The following HCN1 variants were observed in gnomAD, a reference collection of about 807,000 sequenced individuals.
The protein encoded by HCN1 is potassium/sodium hyperpolarization-activated cyclic nucleotide-gated channel 1.
A neutral mutation model predicts 78.9 loss-of-function variants in HCN1; 13 were observed. The ratio of observed to expected loss-of-function variants is 0.16; its 90% CI spans 0.11 to 0.26. The LOEUF (loss-of-function observed/expected upper bound fraction) is 0.26, where lower values mean the gene tolerates loss of function less well. HCN1 is among the 10% of genes least tolerant of loss of function. HCN1 has a pLI of 1.00. For missense variants in HCN1, 810 were observed against 1,154.3 expected (o/e 0.70, Z 4.32); for synonymous variants, 552 against 455.5 (o/e 1.21, Z -2.70).
chr5:45,605,007 G>T (rs1744697635), intron 2 of HCN1, among the ~76,000 whole-genome samples: 1 of 151,874 alleles, frequency 6.6e-6, no homozygotes, highest in Non-Finnish European at 1.5e-5. Context: ...TATATTTTCA[G>T]GTATATTACC....
At chr5:45,450,687 T>A (rs1740898841) in intron 3 of HCN1, among the ~76,000 whole-genome samples, 1 of 152,212 alleles carries the variant, frequency 6.6e-6, no homozygotes, top group Non-Finnish European at 1.5e-5. Context: ...GGAATTATTG[T>A]AATAGTAGTT....
In HCN1 at chr5:45,262,092, A is replaced by T. The variant is rs761336904; in HGVS notation, c.2502T>A (p.Thr834=). The T allele has an allele frequency of 1.4e-5, 23 of 1,613,016 alleles. No homozygotes were observed. In the South Asian group the frequency reaches 2.3e-4, roughly 16 times the overall value. ...GGAAGAGGGTGACGCGCTGCGGGAC[A>T]GTGCTCCTGCCCCCTGCCTGAAGGC... ...GTGLQAGGRS[T]VPQRVTLFRQ... The change falls in exon 8 of 8, where the codon ACT becomes ACA. Residue 834 remains threonine, a synonymous_variant. Coordinates refer to ENST00000303230, the MANE Select transcript of HCN1 (RefSeq NM_021072.4).
intron 1 of HCN1, among the ~76,000 whole-genome samples, chr5:45,678,691 G>A (rs1289435180): frequency 6.6e-6 from 1 of 151,898 alleles, no homozygotes; most frequent in East Asian, 1.9e-4. Context: ...GAAATTAAAA[G>A]TATTTCTAGG....
chr5:45,568,747 C>T (rs1743766907), intron 2 of HCN1, among the ~76,000 whole-genome samples: 1 of 151,950 alleles, frequency 6.6e-6, no homozygotes, highest in Admixed American at 6.6e-5. Context: ...TTTACTTATT[C>T]AAACCACTAG....
Position 45,267,168 on chromosome 5 carries a change from A to C in HCN1, c.1704T>G (p.Asn568Lys), listed in dbSNP as rs1173161974. ...YCRLYSLSVD[N>K]FNEVLEEYPM... The stretch of plus-strand genomic sequence containing the variant: ...GATATTCCTCCAGGACCTCGTTGAA[A>C]TTGTCCACGGAAAGTGAGTAAAGAC... Residue 568 changes from asparagine to lysine, a missense_variant, in exon 7 of 8, where the codon AAT (asparagine) becomes AAG (lysine). Coordinates refer to ENST00000303230, the MANE Select transcript of HCN1 (RefSeq NM_021072.4). The C allele has an allele frequency of 6.2e-7, 1 of 1,614,012 alleles. No individual in the cohort carries two copies. Among genetic ancestry groups the C allele is most frequent in the South Asian group, 1.1e-5 (1 of 91,076 alleles).
chr5:45,315,559 A>G (rs1745968270), intron 5 of HCN1, among the ~76,000 whole-genome samples: 1 of 152,194 alleles, frequency 6.6e-6, no homozygotes, highest in Non-Finnish European at 1.5e-5. Context: ...AGAAATAACT[A>G]AGATCAGAGC....
At chr5:45,501,596 A>G (rs1281869302) in intron 2 of HCN1, among the ~76,000 whole-genome samples, 1 of 151,818 alleles carries the variant, frequency 6.6e-6, no homozygotes, top group African/African-American at 2.4e-5. Context: ...ACCCGCCACC[A>G]CGCCCGGTTA....
intron 2 of HCN1, among the ~76,000 whole-genome samples, chr5:45,519,092 A>G (rs1231987712): frequency 1.3e-5 from 2 of 152,026 alleles, no homozygotes; most frequent in East Asian, 1.9e-4. Context: ...GCTAGCATAA[A>G]TTATGGCCAT....
At chr5:45,533,799 C>T (rs1561191802) in intron 2 of HCN1, among the ~76,000 whole-genome samples, 1 of 152,062 alleles carries the variant, frequency 6.6e-6, no homozygotes, top group Non-Finnish European at 1.5e-5. Flanking sequence ...CAGGAAAGGG[C>T]TTTTTATGTG....
At chr5:45,342,295 T>C (rs1437596153) in intron 5 of HCN1, among the ~76,000 whole-genome samples, 2 of 151,536 alleles carry the variant, frequency 1.3e-5, no homozygotes, top group Non-Finnish European at 2.9e-5. Context: ...GTGCAGTGGA[T>C]CTCAACTCAC....
At chr5:45,517,531 A>AC (rs1554030347) in intron 2 of HCN1, among the ~76,000 whole-genome samples, 3 of 150,428 alleles carry the variant, frequency 2.0e-5, no homozygotes, top group Non-Finnish European at 4.4e-5. Context: ...AAAAAAAAAA[A>AC]AAAAAAAAAA....
intron 2 of HCN1, among the ~76,000 whole-genome samples, chr5:45,571,856 G>A (rs1743843705): frequency 6.6e-6 from 1 of 152,190 alleles, no homozygotes; most frequent in Admixed American, 6.5e-5. Context: ...AGAGGTTGCA[G>A]TGAGCTGAGA....
At chr5:45,271,065 G>T (rs958628646) in intron 6 of HCN1, among the ~76,000 whole-genome samples, 1 of 152,036 alleles carries the variant, frequency 6.6e-6, no homozygotes, top group African/African-American at 2.4e-5. Context: ...CTTCAAGGAG[G>T]ATGCTTTTAA....
chr5:45,649,428 A>T (rs1745634595), intron 1 of HCN1, among the ~76,000 whole-genome samples: 1 of 152,134 alleles, frequency 6.6e-6, no homozygotes, highest in South Asian at 2.1e-4. Context: ...TCTCATTATC[A>T]ACCAGAGCCC....
chr5:45,271,607 C>T lies in HCN1; in HGVS notation c.1619-4354G>A, dbSNP rs1344743089. Among the ~76,000 whole-genome samples the T allele has an allele frequency of 2.0e-5, 3 of 152,216 alleles. No individual in the cohort carries two copies. In the South Asian group the frequency reaches 6.2e-4, roughly 32 times the overall value. ...TTATTGTCCTTAACTCTGTAACTAA[C>T]TTAGACTTCATTCAACATTTTATCT... On this transcript the variant is annotated intron_variant, in intron 6 of 7. Coordinates refer to ENST00000303230, the MANE Select transcript of HCN1 (RefSeq NM_021072.4).
intron 1 of HCN1, among the ~76,000 whole-genome samples, chr5:45,648,632 A>G (rs920816020): frequency 1.3e-5 from 2 of 152,078 alleles, no homozygotes; most frequent in African/African-American, 4.8e-5. Flanking sequence ...TGACCTCATG[A>G]AAATCTCTTA....
At chr5:45,638,009 A>G (rs941195259) in intron 2 of HCN1, among the ~76,000 whole-genome samples, 1 of 152,184 alleles carries the variant, frequency 6.6e-6, no homozygotes. Flanking sequence ...TAGAAATCCA[A>G]ATGAGACACA....
At chr5:45,570,915 A>T (rs1527833) in intron 2 of HCN1, among the ~76,000 whole-genome samples, 106,393 of 151,986 alleles carry the variant, frequency 0.7, 37,508 homozygotes, top group Middle Eastern at 0.82. Flanking sequence ...ATATTTTTCT[A>T]TTCTATCATG....
intron 4 of HCN1, among the ~76,000 whole-genome samples, chr5:45,390,902 A>G (rs1248044110): frequency 6.6e-6 from 1 of 152,128 alleles, no homozygotes; most frequent in Non-Finnish European, 1.5e-5. Flanking sequence ...AGCAACTCCA[A>G]TGGCTACATT....
Sources: allele counts gnomAD v4.1 joint callset (sites outside exome capture counted in the v4.1 genomes callset), GRCh38; gene constraint gnomAD v4.1.1; transcripts MANE v1.5; gene names NCBI Gene and HGNC (gene_info 2026-07-23, HGNC 2026-07-21).